Variants in NUS1 observed in about 807,000 individuals in gnomAD.
NUS1 encodes dehydrodolichyl diphosphate synthase complex subunit NUS1.
For synonymous variants in NUS1, 135 were observed against 155.2 expected, an observed-to-expected ratio of 0.87 and a Z score of 0.97; for missense variants, 292 against 382.9, an observed-to-expected ratio of 0.76 and a Z score of 1.98.
chr6:117,688,766 A>G (rs946100356), intron 1 of NUS1, among the ~76,000 whole-genome samples: 1 of 152,114 alleles, frequency 6.6e-6, no homozygotes, highest in African/African-American at 2.4e-5. Flanking sequence ...GAACCAAATG[A>G]TCCTGTTTCT....
Position 117,710,216 on chromosome 6 carries a change from A to C in NUS1, c.*3201A>C, listed in dbSNP as rs987001953. On this transcript the variant is annotated 3_prime_UTR_variant, in exon 5 of 5. Transcript: ENST00000368494. ...ATGCTGCATAGACTATTCACCTCCT[A>C]ACTTGAAGGTCTAATCATAAGACAA... The C allele has an allele frequency of 6.6e-6, 1 of 151,954 alleles. No homozygotes were observed. Among genetic ancestry groups the C allele is most frequent in the African/African-American group, 2.4e-5 (1 of 41,292 alleles). The allele number at this position is 151,954 out of a possible 1,614,324, so 9.4% of individuals were successfully genotyped here.
chr6:117,689,206 G>A (rs916173264), intron 1 of NUS1, among the ~76,000 whole-genome samples: 6 of 152,152 alleles, frequency 3.9e-5, no homozygotes, highest in Non-Finnish European at 4.4e-5. Context: ...GCTGAGGAGG[G>A]AAGAATTAAG....
chr6:117,685,262 AT>A (rs563825402), intron 1 of NUS1, among the ~76,000 whole-genome samples: 2 of 151,704 alleles, frequency 1.3e-5, no homozygotes, highest in East Asian at 1.9e-4. Context: ...TTTTACTTTT[AT>A]TTTTTTCAAC....
chr6:117,681,581 TC>T (rs1392899764), intron 1 of NUS1, among the ~76,000 whole-genome samples: 89 of 152,326 alleles, frequency 5.8e-4, no homozygotes, highest in African/African-American at 2.1e-3. Flanking sequence ...AAGTTTATTC[TC>T]CTTATGTTGA....
At chr6:117,703,393 C>G (rs1031590899) in intron 3 of NUS1, among the ~76,000 whole-genome samples, 1 of 152,114 alleles carries the variant, frequency 6.6e-6, no homozygotes, top group Non-Finnish European at 1.5e-5. Context: ...TTTGAGAAAA[C>G]TTCCACATTT....
In NUS1 at chr6:117,691,558, G is replaced by GATATAGAT. The variant is rs1554201816; in HGVS notation, c.416-1479_416-1478insGATATATA. Among the ~76,000 whole-genome samples, 31 of 136,960 alleles carry GATATAGAT rather than the reference G, an allele frequency of 2.3e-4. No homozygotes were observed. The South Asian group carries it at 6.2e-3, about 27-fold the overall frequency. The allele number at this position is 136,960 out of a possible 152,430, so 89.9% of individuals were successfully genotyped here. On this transcript the variant is annotated intron_variant, in intron 1 of 4. Coordinates refer to ENST00000368494, the MANE Select transcript of NUS1 (RefSeq NM_138459.5). ...CAGCAGGTTCTGTGCCATAGATATA[G>GATATAGAT]ATATATATATATATATATATATATA...
At chr6:117,693,463 T>G (rs1773271381) in intron 2 of NUS1, among the ~76,000 whole-genome samples, 2 of 152,188 alleles carry the variant, frequency 1.3e-5, no homozygotes, top group African/African-American at 4.8e-5. Flanking sequence ...CAACTGGTTG[T>G]TCTATGGAGT....
In NUS1 at chr6:117,675,526, A is replaced by T; in HGVS notation, c.-145A>T. On this transcript the variant is annotated 5_prime_UTR_variant, in exon 1 of 5. It removes the in-frame stop codon of an upstream open reading frame in the 5' UTR. Coordinates refer to ENST00000368494, the MANE Select transcript of NUS1 (RefSeq NM_138459.5). ...GGAAGATGGCGGCGGGGGCGAGGTG[A>T]GGTGTTGGCAGTGGAAAGGGGTTCG... 1 of 680,792 alleles carries T rather than the reference A, an allele frequency of 1.5e-6. No homozygotes were observed. Among genetic ancestry groups the T allele is most frequent in the East Asian group, 2.9e-5 (1 of 34,388 alleles). 42.2% of individuals were successfully genotyped at this position (680,792 alleles called of 1,614,324 possible). A position where few individuals can be genotyped will look rare whatever the true frequency, so the allele number is the denominator to read the frequency against.
chr6:117,688,598 T>TC (rs1488054962), intron 1 of NUS1, among the ~76,000 whole-genome samples: 2 of 152,176 alleles, frequency 1.3e-5, no homozygotes, highest in African/African-American at 2.4e-5. Flanking sequence ...ACACTTAAAG[T>TC]CCTGCTCCTT....
chr6:117,701,143 T>A (rs1231864296), intron 3 of NUS1, among the ~76,000 whole-genome samples: 1 of 152,010 alleles, frequency 6.6e-6, no homozygotes, highest in Non-Finnish European at 1.5e-5. Flanking sequence ...TGGATTGAAT[T>A]GAATCTATAG....
At chr6:117,678,749 AG>A (rs1773020508) in intron 1 of NUS1, among the ~76,000 whole-genome samples, 1 of 132,170 alleles carries the variant, frequency 7.6e-6, no homozygotes, top group African/African-American at 2.9e-5. Flanking sequence ...GGTGTAATCT[AG>A]GCTCACTGCA....
At chr6:117,695,414 T>C (rs1163859719) in intron 3 of NUS1, among the ~76,000 whole-genome samples, 2 of 152,142 alleles carry the variant, frequency 1.3e-5, no homozygotes, top group Admixed American at 1.3e-4. Context: ...GCTCAGTGAG[T>C]AGTAGACCAT....
chr6:117,701,245 CTTTTT>C (rs1181868381), intron 3 of NUS1, among the ~76,000 whole-genome samples: 1 of 120,662 alleles, frequency 8.3e-6, no homozygotes. Context: ...TTCTAATTTT[CTTTTT>C]TTTTTTTTTT....
chr6:117,700,970 G>C (rs1773397142), intron 3 of NUS1, among the ~76,000 whole-genome samples: 1 of 150,958 alleles, frequency 6.6e-6, no homozygotes, highest in Admixed American at 6.6e-5. Context: ...ATGGGGGAGT[G>C]AGCCAGCAGG....
Position 117,700,102 on chromosome 6 carries a change from A to T in NUS1, c.692-3503A>T, listed in dbSNP as rs113707366. The stretch of plus-strand genomic sequence containing the variant: ...TCTCTAGGACATTGAACTGGGCCAA[A>T]CCCTACAAGCACAGGCAACCAGAGC... On this transcript the variant is annotated intron_variant, in intron 3 of 4. Coordinates refer to ENST00000368494, the MANE Select transcript of NUS1 (RefSeq NM_138459.5). Among the ~76,000 whole-genome samples, 456 of 152,220 alleles carry T rather than the reference A, an allele frequency of 3.0e-3. 3 individuals carry two copies. The highest frequency in any genetic ancestry group is 0.011 in the African/African-American group (439 of 41,566).
intron 1 of NUS1, among the ~76,000 whole-genome samples, chr6:117,686,959 C>A (rs1417758301): frequency 1.3e-5 from 2 of 150,736 alleles, no homozygotes; most frequent in Non-Finnish European, 2.9e-5. Flanking sequence ...TAAGTATGAT[C>A]AGATTTCTGG....
In NUS1 at chr6:117,687,470, T is replaced by C. The variant is rs75078969; in HGVS notation, c.416-5572T>C. Reference sequence around the variant, plus strand: ...GTTTATTAACAAGTTTAAATGAGTGTATGTGGAGGGGTTGAGAGTGAGGGT... The same window carrying C: ...GTTTATTAACAAGTTTAAATGAGTGCATGTGGAGGGGTTGAGAGTGAGGGT... On this transcript the variant is annotated intron_variant, in intron 1 of 4. Coordinates refer to ENST00000368494, the MANE Select transcript of NUS1 (RefSeq NM_138459.5). 5.6e-3 allele frequency among the ~76,000 whole-genome samples: 856 copies of C among 152,176 alleles called. 2 individuals carry two copies. Among genetic ancestry groups the C allele is most frequent in the Non-Finnish European group, 9.0e-3 (611 of 67,984 alleles).
At chr6:117,698,728 T>G (rs1259437286) in intron 3 of NUS1, among the ~76,000 whole-genome samples, 2 of 151,966 alleles carry the variant, frequency 1.3e-5, no homozygotes, top group African/African-American at 4.8e-5. Context: ...AAAAGAAAAT[T>G]ACAAGCCAGT....
chr6:117,702,467 C>T (rs1427471695), intron 3 of NUS1, among the ~76,000 whole-genome samples: 1 of 151,340 alleles, frequency 6.6e-6, no homozygotes, highest in African/African-American at 2.4e-5. Context: ...AAAGCTCTAG[C>T]TTTTTTTTTG....
Sources: gnomAD v4.1 joint callset for allele counts (sites outside exome capture counted in the v4.1 genomes callset) on GRCh38, gnomAD v4.1.1 for gene constraint, MANE v1.5 for transcripts, NCBI Gene and HGNC (gene_info 2026-07-23, HGNC 2026-07-21) for gene names.